Variants in ALK observed in about 807,000 individuals in gnomAD.
ALK encodes ALK tyrosine kinase receptor.
A neutral mutation model predicts 163.1 loss-of-function variants in ALK; 74 were observed. The observed-to-expected ratio is 0.45, with a 90% CI of 0.38 to 0.55. ALK has a LOEUF of 0.55. Among genes scored for constraint, ALK ranks in the 20% least tolerant of loss-of-function variants. The pLI is 0.00. For synonymous variants in ALK, 960 were observed against 843.2 expected, an observed-to-expected ratio of 1.14 and a Z score of -2.40; for missense variants, 2,063 against 2,105.3, an observed-to-expected ratio of 0.98 and a Z score of 0.39.
chr2:29,438,079 T>C (rs1223493874), intron 4 of ALK, among the ~76,000 whole-genome samples: 2 of 151,988 alleles, frequency 1.3e-5, no homozygotes, highest in East Asian at 1.9e-4. Flanking sequence ...TTTAGGAATA[T>C]GTAGGCGGAG....
chr2:29,765,634 C>A (rs1347894703), intron 1 of ALK, among the ~76,000 whole-genome samples: 1 of 151,528 alleles, frequency 6.6e-6, no homozygotes, highest in Non-Finnish European at 1.5e-5. Flanking sequence ...AAAAAGAGTA[C>A]CTTTTTTTTT....
intron 1 of ALK, among the ~76,000 whole-genome samples, chr2:29,750,642 AG>A (rs1680331912): frequency 1.8e-5 from 1 of 56,636 alleles, no homozygotes; most frequent in Admixed American, 1.4e-4. Context: ...GAAGGAAGGA[AG>A]GAAGGAAGGA....
chr2:29,652,890 A>G (rs1226217455), intron 3 of ALK, among the ~76,000 whole-genome samples: 1 of 151,910 alleles, frequency 6.6e-6, no homozygotes, highest in East Asian at 1.9e-4. Flanking sequence ...ATCCTTTATA[A>G]TAAATCGGTA....
chr2:29,641,941 TAAG>T (rs1001496552), intron 3 of ALK, among the ~76,000 whole-genome samples: 4 of 152,156 alleles, frequency 2.6e-5, no homozygotes, highest in Non-Finnish European at 5.9e-5. Flanking sequence ...CAGGTATACA[TAAG>T]AATGAGCTAG....
Position 29,920,152 on chromosome 2 carries a change from G to A in ALK, c.508C>T (p.Leu170Phe), listed in dbSNP as rs758868024. The part of the protein sequence containing the change: ...EAAVGLLQFN[L>F]SELFSWWIRQ... ...ATCCACCAACTGAACAGCTCGCTGA[G>A]ATTGAACTGGAGCAGCCCCACAGCC... Residue 170 changes from leucine (L) to phenylalanine (F), a missense_variant, in exon 1 of 29, where the codon CTC (leucine) becomes TTC (phenylalanine). By Grantham distance (22) the Leu-to-Phe change is conservative. Around this residue, in one of 5 missense-constraint regions of ALK, gnomAD observed 987 missense variants for 939.5 expected, o/e 1.05. Transcript: ENST00000389048. 1.2e-6 allele frequency: 2 copies of A among 1,613,794 alleles called. No individual in the cohort carries two copies. Among genetic ancestry groups the A allele is most frequent in the East Asian group, 4.5e-5 (2 of 44,862 alleles).
At chr2:29,452,615 T>A (rs959752420) in intron 4 of ALK, among the ~76,000 whole-genome samples, 1 of 152,214 alleles carries the variant, frequency 6.6e-6, no homozygotes, top group Non-Finnish European at 1.5e-5. Flanking sequence ...ATTTATATAG[T>A]CTCAAAGTAT....
intron 1 of ALK, among the ~76,000 whole-genome samples, chr2:29,895,017 C>T (rs752179931): frequency 4.6e-5 from 7 of 152,150 alleles, no homozygotes; most frequent in Non-Finnish European, 1.0e-4. Context: ...AAGTCATGTG[C>T]TCCATATGTC....
At chr2:29,381,933 G>T (rs922225143) in intron 5 of ALK, among the ~76,000 whole-genome samples, 5 of 152,178 alleles carry the variant, frequency 3.3e-5, no homozygotes, top group African/African-American at 1.2e-4. Context: ...CAAACACTGA[G>T]ATCACCTTGT....
Position 29,229,074 on chromosome 2 carries a change from AAG to A in ALK, c.2633-10_2633-9del. On this transcript the variant is annotated splice_polypyrimidine_tract_variant and intron_variant, in intron 15 of 28. Coordinates refer to ENST00000389048, the MANE Select transcript of ALK (RefSeq NM_004304.5). ...TCCAGCCACCTCCACCACCTGCGGGAAGAGATAGGGAACCTGCGTGAGGATGC... is the reference window on the plus strand; with the variant it reads ...TCCAGCCACCTCCACCACCTGCGGGAAGATAGGGAACCTGCGTGAGGATGC... 1.2e-6 allele frequency: 2 copies of A among 1,613,704 alleles called. No homozygotes were observed. Among genetic ancestry groups the A allele is most frequent in the Non-Finnish European group, 1.7e-6 (2 of 1,179,802 alleles).
At chr2:29,718,505 G>C (rs954975265) in intron 1 of ALK, among the ~76,000 whole-genome samples, 12 of 152,206 alleles carry the variant, frequency 7.9e-5, no homozygotes, top group African/African-American at 2.9e-4. Flanking sequence ...AAAGAAGGAA[G>C]GATTTGAGAA....
At chr2:29,318,810 C>T (rs1666915999) in intron 7 of ALK, among the ~76,000 whole-genome samples, 1 of 152,130 alleles carries the variant, frequency 6.6e-6, no homozygotes, top group Admixed American at 6.5e-5. Context: ...TGGTGATCTG[C>T]CCGTCTCGGC....
At chr2:29,789,659 T>G (rs1415106915) in intron 1 of ALK, among the ~76,000 whole-genome samples, 1 of 152,194 alleles carries the variant, frequency 6.6e-6, no homozygotes, top group African/African-American at 2.4e-5. Flanking sequence ...ACCCCTAGAC[T>G]GGGGTGAATG....
intron 1 of ALK, among the ~76,000 whole-genome samples, chr2:29,822,469 T>A (rs1257493565): frequency 6.6e-6 from 1 of 152,212 alleles, no homozygotes; most frequent in Admixed American, 6.5e-5. Context: ...TGTAGCTCCA[T>A]GTATAGTCAA....
intron 1 of ALK, among the ~76,000 whole-genome samples, chr2:29,810,557 C>G (rs193010661): frequency 2.0e-4 from 30 of 151,846 alleles, no homozygotes; most frequent in African/African-American, 6.8e-4. Flanking sequence ...CCTGGGAGAA[C>G]AATGTGAAGA....
chr2:29,360,102 C>T (rs1028963391), intron 5 of ALK, among the ~76,000 whole-genome samples: 6 of 152,152 alleles, frequency 3.9e-5, no homozygotes, highest in Non-Finnish European at 5.9e-5. Flanking sequence ...TCAGGCAGAG[C>T]CTGAGGTGTG....
chr2:29,207,690 T>G (rs1200254745), intron 25 of ALK, among the ~76,000 whole-genome samples: 1 of 152,276 alleles, frequency 6.6e-6, no homozygotes, highest in African/African-American at 2.4e-5. Flanking sequence ...TTAATCATTT[T>G]GGATCCTCTG....
chr2:29,647,783 T>C (rs925715978), intron 3 of ALK, among the ~76,000 whole-genome samples: 5 of 148,374 alleles, frequency 3.4e-5, no homozygotes, highest in African/African-American at 1.3e-4. Context: ...TTCTTTTTTT[T>C]TTTTTTTTTT....
At chr2:29,681,372 T>G (rs1351889604) in intron 3 of ALK, 2 of 152,210 alleles carry the variant, frequency 1.3e-5, no homozygotes, top group Admixed American at 6.6e-5. Flanking sequence ...CTATGTTCCT[T>G]AGTGATTGGC....
intron 3 of ALK, among the ~76,000 whole-genome samples, chr2:29,644,118 A>G (rs1315825432): frequency 6.6e-6 from 1 of 151,988 alleles, no homozygotes; most frequent in East Asian, 1.9e-4. Flanking sequence ...TGAAGCTGGA[A>G]ACCATCATTC....
Sources: allele counts gnomAD v4.1 joint callset (sites outside exome capture counted in the v4.1 genomes callset), GRCh38; gene constraint gnomAD v4.1.1; regional missense constraint gnomAD v4.1.1; transcripts MANE v1.5; gene names NCBI Gene and HGNC (gene_info 2026-07-23, HGNC 2026-07-21).